WDPCP: variants seen among roughly 807,000 people sequenced by gnomAD.
WDPCP encodes the protein WD repeat containing planar cell polarity effector.
Under a neutral mutation model 93.1 loss-of-function variants are expected in WDPCP, and 71 were observed. The ratio of observed to expected loss-of-function variants is 0.76; its 90% confidence interval spans 0.63 to 0.93. The LOEUF is 0.93. Among genes scored for constraint, WDPCP ranks in the 40% least tolerant of loss-of-function variants. WDPCP has a pLI of 0.00. For synonymous variants in WDPCP, 315 were observed against 315.0 expected (o/e 1.00, Z 0.00); for missense variants, 844 against 887.4 (o/e 0.95, Z 0.62).
rs893306896 is a variant in WDPCP at position 63,622,966 on chromosome 2, C to T, written n.488+27693G>A. 2.3e-4 allele frequency: 160 copies of T among 708,920 alleles called. 1 individual carries two copies. In the East Asian group the frequency reaches 4.0e-3, roughly 18 times the overall value. 43.9% of individuals were successfully genotyped at this position (708,920 alleles called of 1,614,324 possible). A position where few individuals can be genotyped will look rare whatever the true frequency, so the allele number is the denominator to read the frequency against. On this transcript the variant is annotated intron_variant and non_coding_transcript_variant, in intron 3 of 4. Coordinates refer to the WDPCP transcript ENST00000467687. ...TCGTAGCTCAGTCACCACCGCACGG[C>T]GCCCAAGCAGCTGCTGCCGCCGCCA...
intron 13 of WDPCP, among the ~76,000 whole-genome samples, chr2:63,260,158 G>C (rs537358379): frequency 6.6e-6 from 1 of 152,284 alleles, no homozygotes; most frequent in Admixed American, 6.5e-5. Context: ...ATGCAGAGAA[G>C]CTTGAGAAAA....
intron 2 of WDPCP, among the ~76,000 whole-genome samples, chr2:63,718,513 G>C (rs527795980): frequency 7.9e-5 from 12 of 152,242 alleles, no homozygotes; most frequent in African/African-American, 2.9e-4. Flanking sequence ...TAGTGACGTA[G>C]AGCATTTTTT....
intron 13 of WDPCP, among the ~76,000 whole-genome samples, chr2:63,286,465 C>G (rs1004232105): frequency 6.6e-6 from 1 of 152,184 alleles, no homozygotes; most frequent in Admixed American, 6.5e-5. Context: ...TTTAGAAGTA[C>G]TTTGTGAGAT....
intron 10 of WDPCP, among the ~76,000 whole-genome samples, chr2:63,398,397 C>G (rs1259560624): frequency 6.6e-6 from 1 of 152,100 alleles, no homozygotes; most frequent in Non-Finnish European, 1.5e-5. Flanking sequence ...ATATTGCTTT[C>G]TATAAAACAA....
chr2:63,303,594 T>C (rs74850156), intron 13 of WDPCP, among the ~76,000 whole-genome samples: 2,352 of 152,228 alleles, frequency 0.015, 137 homozygotes, highest in East Asian at 0.13. Context: ...GGAAAACACA[T>C]ACCCCTCTGG....
chr2:63,767,910 C>G (rs1670169798), intron 2 of WDPCP, among the ~76,000 whole-genome samples: 1 of 151,896 alleles, frequency 6.6e-6, no homozygotes, highest in South Asian at 2.1e-4. Context: ...CTTTGTTTAG[C>G]CCAAGGTTAC....
intron 9 of WDPCP, among the ~76,000 whole-genome samples, chr2:63,433,436 T>A (rs865827681): frequency 6.6e-6 from 1 of 152,186 alleles, no homozygotes; most frequent in South Asian, 2.1e-4. Context: ...TATTAACTCA[T>A]TTATCATCAT....
intron 2 of WDPCP, among the ~76,000 whole-genome samples, chr2:63,714,620 G>T (rs570329903): frequency 6.6e-6 from 1 of 152,250 alleles, no homozygotes; most frequent in South Asian, 2.1e-4. Context: ...ACGAGGTCAG[G>T]AGGTCAATAC....
intron 1 of WDPCP, among the ~76,000 whole-genome samples, chr2:63,577,823 T>C (rs1708217717): frequency 6.6e-6 from 1 of 152,184 alleles, no homozygotes; most frequent in Non-Finnish European, 1.5e-5. Context: ...TGTTAATGTA[T>C]TTAAATTTTT....
intron 15 of WDPCP, among the ~76,000 whole-genome samples, chr2:63,172,760 T>C (rs758865243): frequency 6.6e-6 from 1 of 152,160 alleles, no homozygotes; most frequent in Non-Finnish European, 1.5e-5. Context: ...GCTCCTGATA[T>C]TCTGGTACAT....
At chr2:63,464,560 G>C (rs1558669545) in intron 6 of WDPCP, among the ~76,000 whole-genome samples, 1 of 151,918 alleles carries the variant, frequency 6.6e-6, no homozygotes, top group Non-Finnish European at 1.5e-5. Flanking sequence ...TTGAAAGCGG[G>C]GTCTTGAAGA....
At chr2:63,607,535 A>C (rs1709557920) in intron 3 of WDPCP, among the ~76,000 whole-genome samples, 1 of 151,446 alleles carries the variant, frequency 6.6e-6, no homozygotes, top group Non-Finnish European at 1.5e-5. Context: ...ACTCCGTCTC[A>C]AAAAAAAGAA....
chr2:63,238,010 A>C (rs1315814731), intron 14 of WDPCP, among the ~76,000 whole-genome samples: 2 of 152,010 alleles, frequency 1.3e-5, no homozygotes, highest in Admixed American at 1.3e-4. Context: ...TCTAAAAAAA[A>C]AAACAACAAA....
In WDPCP at chr2:63,370,047, A is replaced by G. The variant is rs146135254; in HGVS notation, c.1748+8339T>C. Reference sequence around the variant, plus strand: ...GCTTTAAGGAAGAAAAGCAAGGTATACAAAATTTGTTCATATAATGACCAT... The same window carrying G: ...GCTTTAAGGAAGAAAAGCAAGGTATGCAAAATTTGTTCATATAATGACCAT... On this transcript the variant is annotated intron_variant, in intron 12 of 17. Coordinates refer to ENST00000272321, the MANE Select transcript of WDPCP (RefSeq NM_015910.7). Among the ~76,000 whole-genome samples the G allele has an allele frequency of 5.8e-3, 889 of 152,312 alleles. 5 individuals carry two copies. Among genetic ancestry groups the G allele is most frequent in the Non-Finnish European group, 8.0e-3 (544 of 68,026 alleles).
chr2:63,317,234 C>T (rs1686712034), intron 12 of WDPCP, among the ~76,000 whole-genome samples: 1 of 151,804 alleles, frequency 6.6e-6, no homozygotes, highest in African/African-American at 2.4e-5. Flanking sequence ...AATCCCAGCA[C>T]TACTTAAAAA....
chr2:63,456,642 G>A (rs1698638874), intron 6 of WDPCP, among the ~76,000 whole-genome samples: 1 of 152,074 alleles, frequency 6.6e-6, no homozygotes, highest in African/African-American at 2.4e-5. Context: ...CAAATTAGCA[G>A]AGAGAAGAAA....
chr2:63,523,687 G>A (rs909404815), intron 1 of WDPCP, among the ~76,000 whole-genome samples: 31 of 152,300 alleles, frequency 2.0e-4, no homozygotes, highest in African/African-American at 4.3e-4. Flanking sequence ...CGCGGTGGGC[G>A]GATCATCTGA....
chr2:63,291,197 C>CT (rs1684392754), intron 13 of WDPCP, among the ~76,000 whole-genome samples: 2 of 50,330 alleles, frequency 4.0e-5, no homozygotes, highest in East Asian at 2.6e-3. Flanking sequence ...TTCTATTTTG[C>CT]TTTTAAAAAA....
chr2:63,392,921 C>T (rs1224825909), intron 10 of WDPCP, among the ~76,000 whole-genome samples: 1 of 152,156 alleles, frequency 6.6e-6, no homozygotes, highest in Admixed American at 6.5e-5. Context: ...GAAATAGGAA[C>T]ACTTTTACAC....
Sources: gnomAD v4.1 joint callset for allele counts (sites outside exome capture counted in the v4.1 genomes callset) on GRCh38, gnomAD v4.1.1 for gene constraint, MANE v1.5 for transcripts, NCBI Gene and HGNC (gene_info 2026-07-23, HGNC 2026-07-21) for gene names.